Variants in IL23R observed in about 807,000 individuals in gnomAD.
The protein encoded by IL23R is interleukin 23 receptor.
Under a neutral mutation model 56.9 loss-of-function variants are expected in IL23R, and 34 were observed. The observed-to-expected ratio is 0.60, with a 90% CI of 0.45 to 0.80. The LOEUF (loss-of-function observed/expected upper bound fraction) is 0.80. Ranked by LOEUF, IL23R falls within the 30% of genes least tolerant of loss-of-function variation. The probability of loss-of-function intolerance (pLI) is 0.00; values close to 1 mark genes in which losing one functional copy is unlikely to be tolerated. For synonymous variants in IL23R, 230 were observed against 249.2 expected, an observed-to-expected ratio of 0.92 and a Z score of 0.73; for missense variants, 635 against 730.0, an observed-to-expected ratio of 0.87 and a Z score of 1.50.
chr1:67,190,963 G>A (rs927153986), intron 4 of IL23R, among the ~76,000 whole-genome samples: 5 of 152,246 alleles, frequency 3.3e-5, no homozygotes, highest in Admixed American at 6.5e-5. Flanking sequence ...TTAAGGCTAC[G>A]TTAGGTTTCA....
chr1:67,246,834 G>T (rs556364871), intron 9 of IL23R, among the ~76,000 whole-genome samples: 2 of 152,138 alleles, frequency 1.3e-5, no homozygotes, highest in Non-Finnish European at 2.9e-5. Context: ...GGTCCCACTT[G>T]GTCCAGAGCT....
intron 3 of IL23R, among the ~76,000 whole-genome samples, chr1:67,171,150 G>T (rs1340650490): frequency 6.6e-6 from 1 of 152,128 alleles, no homozygotes; most frequent in Non-Finnish European, 1.5e-5. Context: ...TCCTTTGGGG[G>T]TGGGAGTTGG....
At chr1:67,202,120 A>T (rs1648682376) in intron 5 of IL23R, among the ~76,000 whole-genome samples, 1 of 152,232 alleles carries the variant, frequency 6.6e-6, no homozygotes, top group East Asian at 1.9e-4. Context: ...GTCTTTGCAG[A>T]TCCCAGTACC....
upstream of IL23R, among the ~76,000 whole-genome samples, chr1:67,165,499 T>C (rs1646864685): frequency 6.6e-6 from 1 of 152,142 alleles, no homozygotes; most frequent in Non-Finnish European, 1.5e-5. Context: ...ATCAGCACCA[T>C]GAGAGATATC....
chr1:67,150,211 C>T (rs997553804), intron 1 of IL23R, among the ~76,000 whole-genome samples: 1 of 149,106 alleles, frequency 6.7e-6, no homozygotes, highest in Non-Finnish European at 1.5e-5. Flanking sequence ...ATGACCCAAC[C>T]AATTCAACAT....
intron 9 of IL23R, among the ~76,000 whole-genome samples, chr1:67,245,555 T>C (rs1483656448): frequency 1.3e-5 from 2 of 152,254 alleles, no homozygotes; most frequent in African/African-American, 4.8e-5. Flanking sequence ...TTTCTGCATC[T>C]ATTCAGGTTA....
At chr1:67,216,464 A>C (rs1295446062) in intron 6 of IL23R, among the ~76,000 whole-genome samples, 2 of 152,208 alleles carry the variant, frequency 1.3e-5, no homozygotes, top group African/African-American at 4.8e-5. Flanking sequence ...CCAGGGTCTC[A>C]GCAAACTTTT....
At chr1:67,220,153 T>C (rs1650147575) in intron 7 of IL23R, among the ~76,000 whole-genome samples, 1 of 151,454 alleles carries the variant, frequency 6.6e-6, no homozygotes, top group South Asian at 2.1e-4. Flanking sequence ...TGGATTACCT[T>C]AGGTCAGGAC....
At chr1:67,230,729 C>T (rs1651044608) in intron 7 of IL23R, among the ~76,000 whole-genome samples, 2 of 152,186 alleles carry the variant, frequency 1.3e-5, no homozygotes, top group South Asian at 4.1e-4. Context: ...CATTGCTTGA[C>T]TTGTTTTTCA....
At chr1:67,170,330 GGA>G (rs745738531) in intron 3 of IL23R, among the ~76,000 whole-genome samples, 1 of 152,106 alleles carries the variant, frequency 6.6e-6, no homozygotes, top group Non-Finnish European at 1.5e-5. Context: ...TAAAACATAG[GGA>G]GAGTCTCCTA....
chr1:67,224,455 T>C (rs1043201306), intron 7 of IL23R, among the ~76,000 whole-genome samples: 3 of 152,256 alleles, frequency 2.0e-5, no homozygotes, highest in African/African-American at 7.2e-5. Context: ...TGTGTATTAC[T>C]GAATTGATTC....
At chr1:67,226,531 C>T (rs998479730) in intron 7 of IL23R, among the ~76,000 whole-genome samples, 3 of 152,178 alleles carry the variant, frequency 2.0e-5, no homozygotes, top group African/African-American at 7.2e-5. Flanking sequence ...CTCTGCCGAG[C>T]CATTCTGCCA....
chr1:67,241,791 A>G (rs1227790171), intron 9 of IL23R, among the ~76,000 whole-genome samples: 1 of 152,226 alleles, frequency 6.6e-6, no homozygotes, highest in African/African-American at 2.4e-5. Context: ...AGTTTGGGTT[A>G]TGTTCCTTAC....
chr1:67,263,084 G>C (rs538496661), downstream of IL23R, among the ~76,000 whole-genome samples: 1 of 148,614 alleles, frequency 6.7e-6, no homozygotes, highest in Non-Finnish European at 1.5e-5. Flanking sequence ...GTGTGTGTGC[G>C]TGTGTGTGTT....
In IL23R at chr1:67,245,241, A is replaced by T. The variant is rs150291231; in HGVS notation, c.1148+4960A>T. On this transcript the variant is annotated intron_variant, in intron 9 of 10. Coordinates refer to ENST00000347310, the MANE Select transcript of IL23R (RefSeq NM_144701.3). ...AGATGATGGGGTTTTCTAAATATAC[A>T]GTCATGTCATCTGCAGAGACAATTT... 2.3e-3 allele frequency among the ~76,000 whole-genome samples: 355 copies of T among 152,296 alleles called. 2 individuals are homozygous for T. Among genetic ancestry groups the T allele is most frequent in the African/African-American group, 8.3e-3 (347 of 41,560 alleles).
At chr1:67,208,988 G>C (rs1649267982) in intron 6 of IL23R, among the ~76,000 whole-genome samples, 1 of 152,200 alleles carries the variant, frequency 6.6e-6, no homozygotes, top group Non-Finnish European at 1.5e-5. Flanking sequence ...TCTTTTATCA[G>C]CATAACCTGG....
intron 1 of IL23R, among the ~76,000 whole-genome samples, chr1:67,159,340 T>G (rs1646796436): frequency 6.6e-6 from 1 of 152,050 alleles, no homozygotes; most frequent in South Asian, 2.1e-4. Context: ...CTGCTCGCTC[T>G]CTCTCCTGCC....
In IL23R at chr1:67,141,736, T is replaced by C. The variant is rs148747702; in HGVS notation, c.-634+2575T>C. Among the ~76,000 whole-genome samples the C allele has an allele frequency of 7.8e-3, 1,192 of 152,238 alleles. 11 individuals carry two copies. The highest frequency in any genetic ancestry group is 0.028 in the African/African-American group (1,146 of 41,542). On this transcript the variant is annotated intron_variant, in intron 1 of 10. Coordinates refer to the IL23R transcript ENST00000637002. ...TCACGCCACTGCACACCAGCCTGGG[T>C]GACAGAGTGTGCAGTGGGATAATTA... is the stretch of plus-strand genomic sequence containing the variant.
intron 8 of IL23R, among the ~76,000 whole-genome samples, chr1:67,237,585 T>C (rs1171159410): frequency 6.6e-6 from 1 of 152,224 alleles, no homozygotes; most frequent in Non-Finnish European, 1.5e-5. Context: ...TCTTTCAATG[T>C]CCTGGAGTCT....
Sources: gnomAD v4.1 joint callset for allele counts (sites outside exome capture counted in the v4.1 genomes callset) on GRCh38, gnomAD v4.1.1 for gene constraint, MANE v1.5 for transcripts, NCBI Gene and HGNC (gene_info 2026-07-23, HGNC 2026-07-21) for gene names.